ADCY8: variants seen among roughly 807,000 people sequenced by gnomAD.
ADCY8 encodes the protein adenylate cyclase type 8.
ADCY8 carries 51 observed loss-of-function variants against 119.7 expected under a neutral mutation model. The observed-to-expected ratio is 0.43, with a 90% confidence interval of 0.34 to 0.54. The LOEUF (loss-of-function observed/expected upper bound fraction) is 0.54. Among genes scored for constraint, ADCY8 ranks in the 20% least tolerant of loss-of-function variants. The probability of loss-of-function intolerance (pLI) is 0.03; values close to 1 mark genes in which losing one functional copy is unlikely to be tolerated. For missense variants in ADCY8, 1,383 were observed against 1,598.8 expected (o/e 0.87, Z 2.30); for synonymous variants, 665 against 651.0 (o/e 1.02, Z -0.33).
intron 1 of ADCY8, among the ~76,000 whole-genome samples, chr8:131,008,188 G>C (rs117732107): frequency 2.0e-5 from 3 of 152,162 alleles, no homozygotes; most frequent in Non-Finnish European, 4.4e-5. Context: ...GCAAAGACAA[G>C]TTAAGTAACT....
chr8:130,782,611 C>T (rs1003478507), intron 17 of ADCY8, among the ~76,000 whole-genome samples: 3 of 152,236 alleles, frequency 2.0e-5, no homozygotes, highest in Admixed American at 1.3e-4. Context: ...TTCAGCATTA[C>T]AGTTCCCTTT....
At chr8:130,793,787 T>A (rs1414283978) in intron 15 of ADCY8, among the ~76,000 whole-genome samples, 3 of 152,222 alleles carry the variant, frequency 2.0e-5, no homozygotes, top group Admixed American at 6.5e-5. Context: ...AGATCATAAG[T>A]GCACCTCTCC....
At position 131,040,272 on chromosome 8, in the gene ADCY8, G is replaced by C; in HGVS notation, c.62C>G (p.Thr21Arg). ...GSEELYTIHP[T>R]PPAGDGRSAS... Reference sequence around the variant, plus strand: ...GCTCCTGCCGTCGCCGGCCGGGGGCGTCGGGTGGATGGTGTAGAGTTCCTC... The same window carrying C: ...GCTCCTGCCGTCGCCGGCCGGGGGCCTCGGGTGGATGGTGTAGAGTTCCTC... The change falls in exon 1 of 18, where the codon ACG becomes AGG. Residue 21 changes from threonine to arginine, a missense_variant. Transcript: ENST00000286355. 1 of 1,564,626 alleles carries C rather than the reference G, an allele frequency of 6.4e-7. No homozygotes were observed.
At chr8:131,000,121 G>A (rs926993785) in intron 1 of ADCY8, among the ~76,000 whole-genome samples, 1 of 152,168 alleles carries the variant, frequency 6.6e-6, no homozygotes, top group Admixed American at 6.5e-5. Flanking sequence ...TTTCACATAT[G>A]TGGGAGCTTG....
At position 130,990,555 on chromosome 8, in the gene ADCY8, C is replaced by G; in HGVS notation, c.961-13G>C. 6.2e-7 allele frequency: 1 copy of G among 1,611,336 alleles called. No individual in the cohort carries two copies. Among genetic ancestry groups the G allele is most frequent in the Non-Finnish European group, 8.5e-7 (1 of 1,178,208 alleles). On this transcript the variant is annotated splice_polypyrimidine_tract_variant and intron_variant, in intron 1 of 17. Coordinates refer to ENST00000286355, the MANE Select transcript of ADCY8 (RefSeq NM_001115.3). ...CCTGGGCCACAACCTAAAATAAACA[C>G]AGTCTGGTCAGGCGCTTAAAACAAA...
chr8:130,787,639 CA>C (rs1382899724), intron 15 of ADCY8, among the ~76,000 whole-genome samples: 1 of 152,114 alleles, frequency 6.6e-6, no homozygotes, highest in African/African-American at 2.4e-5. Flanking sequence ...TACATGTGTA[CA>C]GTACATGTGT....
intron 14 of ADCY8, among the ~76,000 whole-genome samples, chr8:130,809,464 G>A (rs117623140): frequency 8.9e-4 from 135 of 152,158 alleles, no homozygotes; most frequent in Admixed American, 2.0e-3. Flanking sequence ...TAAAATATTT[G>A]GGTGCTTGTA....
At chr8:130,798,907 C>G (rs1021034820) in intron 15 of ADCY8, among the ~76,000 whole-genome samples, 2 of 152,054 alleles carry the variant, frequency 1.3e-5, no homozygotes, top group African/African-American at 4.8e-5. Flanking sequence ...CACATGCACA[C>G]ACCACACACA....
intron 9 of ADCY8, among the ~76,000 whole-genome samples, chr8:130,858,059 T>G (rs544473978): frequency 9.2e-5 from 14 of 152,350 alleles, no homozygotes; most frequent in African/African-American, 3.1e-4. Context: ...CTGCATTCTT[T>G]TGATATGATC....
intron 5 of ADCY8, among the ~76,000 whole-genome samples, chr8:130,930,805 G>GT (rs1184754813): frequency 1.3e-5 from 2 of 151,728 alleles, no homozygotes; most frequent in African/African-American, 2.4e-5. Flanking sequence ...TAGTAGTTTT[G>GT]TTTTTTTATC....
intron 8 of ADCY8, among the ~76,000 whole-genome samples, chr8:130,879,133 C>T (rs949498413): frequency 1.3e-5 from 2 of 152,158 alleles, no homozygotes; most frequent in African/African-American, 4.8e-5. Flanking sequence ...TCTTCCCTAT[C>T]CTAAGCCTCA....
At chr8:130,883,372 T>G (rs1441366233) in intron 8 of ADCY8, among the ~76,000 whole-genome samples, 6 of 152,138 alleles carry the variant, frequency 3.9e-5, no homozygotes, top group African/African-American at 7.2e-5. Flanking sequence ...TTTACTTTTT[T>G]TGTGTGGGTT....
At chr8:131,011,537 C>G (rs1248120476) in intron 1 of ADCY8, among the ~76,000 whole-genome samples, 1 of 152,204 alleles carries the variant, frequency 6.6e-6, no homozygotes, top group Non-Finnish European at 1.5e-5. Context: ...GAGGATGGGA[C>G]AGCAAGGGCT....
intron 8 of ADCY8, among the ~76,000 whole-genome samples, chr8:130,868,736 C>G (rs1161240516): frequency 1.3e-5 from 2 of 152,126 alleles, no homozygotes; most frequent in Non-Finnish European, 2.9e-5. Context: ...TAAACCAAGC[C>G]CCACATTTGA....
chr8:130,864,718 T>C (rs77507550), intron 9 of ADCY8, among the ~76,000 whole-genome samples: 5,608 of 152,246 alleles, frequency 0.037, 141 homozygotes, highest in South Asian at 0.079. Context: ...TTTCCTTTGA[T>C]TTTCTTAGAG....
At chr8:130,993,497 C>T (rs1822667469) in intron 1 of ADCY8, among the ~76,000 whole-genome samples, 1 of 152,122 alleles carries the variant, frequency 6.6e-6, no homozygotes, top group Non-Finnish European at 1.5e-5. Flanking sequence ...GTGTCCCTAC[C>T]AAAATCTCAT....
chr8:130,863,398 T>A (rs1818010484), intron 9 of ADCY8, among the ~76,000 whole-genome samples: 2 of 152,032 alleles, frequency 1.3e-5, no homozygotes, highest in Non-Finnish European at 2.9e-5. Flanking sequence ...GGGGCCTTTT[T>A]TTTTTTATCT....
Position 131,040,038 on chromosome 8 carries a change from CG to C in ADCY8, c.295del (p.Arg99GlufsTer86). On this transcript the variant is annotated frameshift_variant, in exon 1 of 18. Transcript: ENST00000286355. LOFTEE classifies it high-confidence loss of function. ...TTTGGTGCCGCAGGTGCTGTGCGCT[CG>C]CTCTCCCGGGCCCAGCGAGTAGAGG... ...LPLYSLGPGERAHSTCGTKVF... is the reference protein window; with the variant it reads ...LPLYSLGPGEXAHSTCGTKVF... 4 of 1,549,442 alleles carry C rather than the reference CG, an allele frequency of 2.6e-6. No individual in the cohort carries two copies. Among genetic ancestry groups the C allele is most frequent in the Non-Finnish European group, 3.5e-6 (4 of 1,151,574 alleles).
chr8:130,787,673 CATGT>C (rs1563664061), intron 15 of ADCY8, among the ~76,000 whole-genome samples: 2 of 142,162 alleles, frequency 1.4e-5, no homozygotes, highest in South Asian at 2.3e-4. Context: ...TTTATGTGCA[CATGT>C]ATGTCCATGT....
Sources: gnomAD v4.1 joint callset for allele counts (sites outside exome capture counted in the v4.1 genomes callset) on GRCh38, gnomAD v4.1.1 for gene constraint, MANE v1.5 for transcripts, NCBI Gene and HGNC (gene_info 2026-07-23, HGNC 2026-07-21) for gene names.